Variants in VSTM4 observed in about 807,000 individuals in gnomAD.
The protein encoded by VSTM4 is V-set and transmembrane domain containing 4.
In VSTM4, 20 loss-of-function variants were observed where a neutral mutation model predicts 36.4. The observed-to-expected ratio is 0.55, with a 90% confidence interval of 0.39 to 0.80. VSTM4 has a LOEUF of 0.80. Ranked by LOEUF, VSTM4 falls within the 30% of genes least tolerant of loss-of-function variation. VSTM4 has a pLI of 0.00. For synonymous variants in VSTM4, 182 were observed against 173.9 expected, an observed-to-expected ratio of 1.05 and a Z score of -0.37; for missense variants, 392 against 404.5, an observed-to-expected ratio of 0.97 and a Z score of 0.26.
At chr10:49,112,838 G>A (rs1205045811) in intron 1 of VSTM4, among the ~76,000 whole-genome samples, 1 of 152,216 alleles carries the variant, frequency 6.6e-6, no homozygotes, top group Non-Finnish European at 1.5e-5. Context: ...TAAAAGTTAA[G>A]GTGTCTAACC....
At position 49,088,571 on chromosome 10, in the gene VSTM4, A is replaced by G. The variant is rs138928032; in HGVS notation, c.458-2548T>C. Among the ~76,000 whole-genome samples, 89 of 152,362 alleles carry G rather than the reference A, an allele frequency of 5.8e-4. 2 individuals are homozygous for G. The East Asian group carries it at 0.015, about 26-fold the overall frequency. On this transcript the variant is annotated intron_variant, in intron 2 of 7. Transcript: ENST00000332853. Reference sequence around the variant, plus strand: ...ATTTTGTGGGTGGCCATGTTGGAAAACAAGTGAGCAGAATGGAGCGGAGCC... The same window carrying G: ...ATTTTGTGGGTGGCCATGTTGGAAAGCAAGTGAGCAGAATGGAGCGGAGCC...
intron 5 of VSTM4, among the ~76,000 whole-genome samples, chr10:49,050,252 C>T (rs535638645): frequency 1.4e-4 from 22 of 152,254 alleles, no homozygotes; most frequent in African/African-American, 5.3e-4. Context: ...CATTTGCTTA[C>T]ACATACATAA....
intron 2 of VSTM4, chr10:49,103,906 C>G: frequency 6.4e-7 from 1 of 1,566,082 alleles, no homozygotes; most frequent in Non-Finnish European, 8.7e-7. Context: ...ACAAGAGAGA[C>G]CACGGGCCTG....
intron 5 of VSTM4, among the ~76,000 whole-genome samples, chr10:49,063,206 G>T (rs1012516757): frequency 2.6e-5 from 4 of 152,012 alleles, no homozygotes; most frequent in Non-Finnish European, 5.9e-5. Context: ...TGGGCATGGT[G>T]GTGGGTGCCT....
intron 2 of VSTM4, chr10:49,103,450 A>C: frequency 2.2e-6 from 2 of 927,958 alleles, no homozygotes; most frequent in Non-Finnish European, 2.6e-6. Flanking sequence ...AGTCATTTTT[A>C]TTTTCTTCTT....
At chr10:49,041,998 T>G in intron 7 of VSTM4, among the ~76,000 whole-genome samples, 1 of 152,206 alleles carries the variant, frequency 6.6e-6, no homozygotes, top group East Asian at 1.9e-4. Context: ...TTAAGTGTAG[T>G]CACTCTGTAG....
chr10:49,042,942 G>T (rs1843543584), intron 7 of VSTM4, among the ~76,000 whole-genome samples: 1 of 152,228 alleles, frequency 6.6e-6, no homozygotes, highest in African/African-American at 2.4e-5. Context: ...GCCATGGACA[G>T]ATTCTGGGGA....
Position 49,107,727 on chromosome 10 carries a change from C to G in VSTM4, c.324G>C (p.Ala108=). The G allele has an allele frequency of 1.9e-6, 3 of 1,614,192 alleles. No homozygotes were observed. The highest frequency in any genetic ancestry group is 2.5e-6 in the Non-Finnish European group (3 of 1,180,040). Residue 108 remains alanine, a synonymous_variant, in exon 2 of 8, where the codon GCG becomes GCC. Coordinates refer to ENST00000332853, the MANE Select transcript of VSTM4 (RefSeq NM_001031746.5). ...RLRLLEEQRG[A]LYRLSVLTLQ... is the part of the protein sequence containing the mutation. ...GTGTCAAGACGGAGAGCCTGTAGAG[C>G]GCCCCCCGCTGCTCCTCCAGCAGGC... is the stretch of plus-strand genomic sequence containing the variant.
intron 5 of VSTM4, among the ~76,000 whole-genome samples, chr10:49,056,805 T>C (rs979484270): frequency 6.6e-6 from 1 of 152,244 alleles, no homozygotes; most frequent in Non-Finnish European, 1.5e-5. Flanking sequence ...ACCTGGTATA[T>C]TAGTTCATTT....
intron 7 of VSTM4, among the ~76,000 whole-genome samples, chr10:49,037,654 GA>G (rs1330954068): frequency 6.6e-6 from 1 of 152,140 alleles, no homozygotes; most frequent in East Asian, 1.9e-4. Context: ...ACAATTAACA[GA>G]ATGAAAAAGT....
At chr10:49,057,354 C>T (rs1843798806) in intron 5 of VSTM4, among the ~76,000 whole-genome samples, 1 of 152,162 alleles carries the variant, frequency 6.6e-6, no homozygotes, top group South Asian at 2.1e-4. Flanking sequence ...GACATAAATC[C>T]AGTAAAGAGC....
At chr10:49,107,541 G>A in intron 2 of VSTM4, 53 bp downstream of exon 2, 6 of 1,537,672 alleles carry the variant, frequency 3.9e-6, no homozygotes, top group South Asian at 3.8e-5. Flanking sequence ...GCAAAGGGGG[G>A]CCTACTGGCC....
chr10:49,109,733 C>T (rs4838446), intron 1 of VSTM4, among the ~76,000 whole-genome samples: 74,484 of 152,050 alleles, frequency 0.49, 19,610 homozygotes, highest in African/African-American at 0.7. Context: ...GTCTTCTATG[C>T]CTACAGTGAT....
intron 5 of VSTM4, among the ~76,000 whole-genome samples, chr10:49,054,426 G>A (rs903399084): frequency 2.6e-5 from 4 of 152,342 alleles, no homozygotes; most frequent in Admixed American, 2.6e-4. Flanking sequence ...CAGGTAGTGG[G>A]GTCTTGGGGA....
chr10:49,100,855 T>C (rs563056858), intron 2 of VSTM4, among the ~76,000 whole-genome samples: 2 of 152,278 alleles, frequency 1.3e-5, no homozygotes, highest in South Asian at 4.1e-4. Context: ...TAGTGCTATA[T>C]TGGTGAAGTG....
intron 4 of VSTM4, among the ~76,000 whole-genome samples, chr10:49,076,412 C>T (rs1255875756): frequency 6.6e-6 from 1 of 152,208 alleles, no homozygotes; most frequent in African/African-American, 2.4e-5. Context: ...GGTTGTCAGC[C>T]TGTAAGTAAG....
At chr10:49,093,772 G>T (rs1479199982) in intron 2 of VSTM4, among the ~76,000 whole-genome samples, 1 of 138,654 alleles carries the variant, frequency 7.2e-6, no homozygotes, top group Non-Finnish European at 1.5e-5. Flanking sequence ...TTTTGAGATG[G>T]AGTCTTGCTT....
chr10:49,035,179 G>A (rs1276561898), intron 7 of VSTM4, among the ~76,000 whole-genome samples: 2 of 152,252 alleles, frequency 1.3e-5, no homozygotes, highest in African/African-American at 4.8e-5. Context: ...TCCTGCCTAG[G>A]CCATCCTCCA....
At chr10:49,067,879 A>G (rs1844000943) in intron 4 of VSTM4, among the ~76,000 whole-genome samples, 3 of 152,250 alleles carry the variant, frequency 2.0e-5, no homozygotes, top group African/African-American at 4.8e-5. Context: ...AGGATACCGA[A>G]ATCCGAAGAT....
Sources: gnomAD v4.1 joint callset for allele counts (sites outside exome capture counted in the v4.1 genomes callset) on GRCh38, gnomAD v4.1.1 for gene constraint, MANE v1.5 for transcripts, NCBI Gene and HGNC (gene_info 2026-07-23, HGNC 2026-07-21) for gene names.